The following ABHD5 variants were observed in gnomAD, a reference collection of about 807,000 sequenced individuals.
ABHD5 encodes abhydrolase domain containing 5, lysophosphatidic acid acyltransferase, also known as 1-acylglycerol-3-phosphate O-acyltransferase ABHD5.
Under a neutral mutation model 44.9 loss-of-function variants are expected in ABHD5, and 30 were observed. The ratio of observed to expected loss-of-function variants is 0.67; its 90% confidence interval spans 0.50 to 0.91. The LOEUF (loss-of-function observed/expected upper bound fraction) is 0.91, where lower values mean the gene tolerates loss of function less well. Ranked by LOEUF, ABHD5 falls within the 40% of genes least tolerant of loss-of-function variation. The probability of loss-of-function intolerance (pLI) is 0.00; values close to 1 mark genes in which losing one functional copy is unlikely to be tolerated. For missense variants in ABHD5, 399 were observed against 423.4 expected (o/e 0.94, Z 0.50); for synonymous variants, 167 against 147.0 (o/e 1.14, Z -0.99).
intron 3 of ABHD5, among the ~76,000 whole-genome samples, chr3:43,710,351 C>T (rs11928289): frequency 6.6e-6 from 1 of 152,080 alleles, no homozygotes; most frequent in Non-Finnish European, 1.5e-5. Flanking sequence ...TAATATGTCT[C>T]TCTTATGTTG....
intron 3 of ABHD5, chr3:43,707,882 G>A (rs892255382): frequency 2.6e-5 from 4 of 152,146 alleles, no homozygotes; most frequent in African/African-American, 9.7e-5. Flanking sequence ...CACCTGCCTT[G>A]GCCTCCCAAG....
intron 7 of ABHD5, among the ~76,000 whole-genome samples, chr3:43,732,288 G>A (rs9682710): frequency 8.6e-5 from 13 of 152,040 alleles, no homozygotes; most frequent in Non-Finnish European, 1.5e-4. Context: ...AAAATTAGCC[G>A]GCAGGGTGGC....
chr3:43,706,776 C>G (rs2084625529), intron 3 of ABHD5, among the ~76,000 whole-genome samples: 1 of 152,152 alleles, frequency 6.6e-6, no homozygotes, highest in Admixed American at 6.5e-5. Context: ...TTTGCTTCCT[C>G]AGGTGTTGCA....
intron 7 of ABHD5, among the ~76,000 whole-genome samples, chr3:43,731,661 G>A (rs903711153): frequency 7.2e-5 from 11 of 152,024 alleles, no homozygotes; most frequent in Non-Finnish European, 1.3e-4. Flanking sequence ...GAGAAACCCC[G>A]TCTCTACTAA....
chr3:43,699,154 C>A, intron 1 of ABHD5, 122 bp from the exon 2 acceptor site: 1 of 841,328 alleles, frequency 1.2e-6, no homozygotes, highest in Non-Finnish European at 2.0e-6. Context: ...TTTTGTCACA[C>A]ATAGCTTTAC....
chr3:43,730,954 G>T lies in ABHD5; in HGVS notation c.*30-2926G>T, dbSNP rs71325003. Among the ~76,000 whole-genome samples the T allele has an allele frequency of 5.3e-5, 8 of 152,200 alleles. No individual in the cohort carries two copies. In the East Asian group the frequency reaches 1.5e-3, roughly 29 times the overall value. ...AGCAATTCTCCTGCCTTAGCCTCCTGAGTAGCTGCGACTACAGGTGCATGC... is the reference window on the plus strand; with the variant it reads ...AGCAATTCTCCTGCCTTAGCCTCCTTAGTAGCTGCGACTACAGGTGCATGC... On this transcript the variant is annotated intron_variant, in intron 7 of 7. Transcript: ENST00000454293.
At chr3:43,704,526 A>G (rs2084591116) in intron 3 of ABHD5, among the ~76,000 whole-genome samples, 1 of 152,170 alleles carries the variant, frequency 6.6e-6, no homozygotes, top group African/African-American at 2.4e-5. Flanking sequence ...TATTCTCTGA[A>G]GATGTGACAT....
intron 1 of ABHD5, chr3:43,694,895 T>C (rs954828016): frequency 1.3e-5 from 2 of 152,236 alleles, no homozygotes; most frequent in Non-Finnish European, 2.9e-5. Context: ...TTTTTGTTTG[T>C]TTTCCAGAGA....
chr3:43,711,097 A>G (rs1390044978), intron 3 of ABHD5, among the ~76,000 whole-genome samples: 1 of 152,212 alleles, frequency 6.6e-6, no homozygotes, highest in Non-Finnish European at 1.5e-5. Context: ...AGGTAGATAG[A>G]CTTGTTCCTT....
intron 3 of ABHD5, among the ~76,000 whole-genome samples, chr3:43,708,175 C>T (rs940713766): frequency 6.6e-6 from 1 of 152,180 alleles, no homozygotes; most frequent in Non-Finnish European, 1.5e-5. Flanking sequence ...ATGAGCTGTT[C>T]TGTTGTTCCT....
At chr3:43,691,107 C>A in intron 1 of ABHD5, 68 bp downstream of exon 1, 1 of 1,438,490 alleles carries the variant, frequency 7.0e-7, no homozygotes, top group Non-Finnish European at 9.2e-7. Flanking sequence ...CGGGTTAGGG[C>A]CCAGCGGGCA....
At chr3:43,705,251 T>C (rs1308008372) in intron 3 of ABHD5, among the ~76,000 whole-genome samples, 2 of 152,234 alleles carry the variant, frequency 1.3e-5, no homozygotes, top group Non-Finnish European at 2.9e-5. Context: ...TCATGTCATA[T>C]CTTTCTAATT....
At chr3:43,692,373 C>T (rs1274635146) in intron 1 of ABHD5, among the ~76,000 whole-genome samples, 1 of 152,168 alleles carries the variant, frequency 6.6e-6, no homozygotes, top group Admixed American at 6.5e-5. Context: ...GTTGTGTTCT[C>T]ATCTTGTTTG....
At chr3:43,713,322 CAAAAA>C (rs78532050) in intron 4 of ABHD5, among the ~76,000 whole-genome samples, 4 of 46,886 alleles carry the variant, frequency 8.5e-5, no homozygotes, top group East Asian at 6.6e-4. Flanking sequence ...GACCCTGTCT[CAAAAA>C]AAAAAAAAAA....
rs1398847705 is a variant in ABHD5, at chr3:43,719,784, G to GA, written c.*1254dup. The GA allele has an allele frequency of 1.3e-5, 2 of 152,168 alleles. No individual in the cohort carries two copies. Among genetic ancestry groups the GA allele is most frequent in the African/African-American group, 4.8e-5 (2 of 41,454 alleles). 9.4% of individuals were successfully genotyped at this position (152,168 alleles called of 1,614,324 possible). Reference sequence around the variant, plus strand: ...TTCACCAAAAAAATAAATAAAAATTGAATAGGATTGTCATCAAGAAGGCAT... The same window carrying GA: ...TTCACCAAAAAAATAAATAAAAATTGAAATAGGATTGTCATCAAGAAGGCAT... On this transcript the variant is annotated 3_prime_UTR_variant, in exon 7 of 7. Coordinates refer to ENST00000644371, the MANE Select transcript of ABHD5 (RefSeq NM_016006.6).
At chr3:43,732,344 C>T (rs775643055) in intron 7 of ABHD5, among the ~76,000 whole-genome samples, 2 of 152,004 alleles carry the variant, frequency 1.3e-5, no homozygotes, top group African/African-American at 4.8e-5. Context: ...GCAGGAGACT[C>T]GCTTGAACCT....
chr3:43,711,653 TATA>T lies in ABHD5; in HGVS notation c.507-55_507-53del, dbSNP rs2084689323. 6.3e-6 allele frequency: 10 copies of T among 1,596,526 alleles called. No homozygotes were observed. The South Asian group carries it at 1.1e-4, about 18-fold the overall frequency. ...TATTTTATAAATCATGTTAGCTCTT[TATA>T]GTCTTAGGGTGATTTTACCAAATGA... On this transcript the variant is annotated intron_variant, in intron 3 of 6. Transcript: ENST00000644371.
downstream of ABHD5, among the ~76,000 whole-genome samples, chr3:43,727,100 T>C (rs1201870066): frequency 1.3e-5 from 2 of 152,236 alleles, no homozygotes; most frequent in Non-Finnish European, 2.9e-5. Context: ...TGGTTGTGGC[T>C]GCCCTGAACT....
intron 3 of ABHD5, among the ~76,000 whole-genome samples, chr3:43,710,491 C>A (rs1231474077): frequency 1.3e-5 from 2 of 152,154 alleles, no homozygotes; most frequent in Non-Finnish European, 2.9e-5. Flanking sequence ...CGGAGCAGGT[C>A]ATGTAGTACA....
Sources: allele counts gnomAD v4.1 joint callset (sites outside exome capture counted in the v4.1 genomes callset), GRCh38; gene constraint gnomAD v4.1.1; transcripts MANE v1.5; gene names NCBI Gene and HGNC (gene_info 2026-07-23, HGNC 2026-07-21).